Variants in HERC1 observed in about 807,000 individuals in gnomAD.
HERC1 encodes HECT and RLD domain containing E3 ubiquitin protein ligase family member 1, also known as probable E3 ubiquitin-protein ligase HERC1.
HERC1 carries 160 observed loss-of-function variants against 554.3 expected under a neutral mutation model. That is an observed-to-expected ratio of 0.29 (90% CI 0.25 to 0.33). HERC1 has a LOEUF of 0.33. HERC1 is among the 10% of genes least tolerant of loss of function. The pLI is 1.00. For synonymous variants in HERC1, 2,175 were observed against 2,131.7 expected (o/e 1.02, Z -0.56); for missense variants, 4,919 against 5,918.5 (o/e 0.83, Z 5.54).
chr15:63,784,652 G>C (rs981429425), intron 1 of HERC1, among the ~76,000 whole-genome samples: 1 of 151,798 alleles, frequency 6.6e-6, no homozygotes, highest in African/African-American at 2.4e-5. Context: ...CTGTCACCCA[G>C]GCTGGAGTGC....
chr15:63,697,441 T>G (rs1596000736), intron 26 of HERC1, among the ~76,000 whole-genome samples: 1 of 145,956 alleles, frequency 6.9e-6, no homozygotes, highest in Non-Finnish European at 1.5e-5. Context: ...ACAGGTGATG[T>G]TAATCTTGAT....
intron 1 of HERC1, among the ~76,000 whole-genome samples, chr15:63,806,282 T>C (rs1310723862): frequency 6.6e-6 from 1 of 151,288 alleles, no homozygotes; most frequent in African/African-American, 2.4e-5. Context: ...GCTGAAGCAA[T>C]CTTCCCACCT....
At chr15:63,795,359 A>AT (rs888853727) in intron 1 of HERC1, among the ~76,000 whole-genome samples, 6 of 152,200 alleles carry the variant, frequency 3.9e-5, no homozygotes, top group Non-Finnish European at 8.8e-5. Context: ...AAAATAACCA[A>AT]TAAAAACAGA....
chr15:63,713,006 G>T, intron 23 of HERC1, 111 bp from the exon 24 acceptor site: 1 of 1,040,804 alleles, frequency 9.6e-7, no homozygotes, highest in Non-Finnish European at 1.4e-6. Context: ...GAGGAGTAAT[G>T]TCAGTTGACA....
At chr15:63,799,484 A>G (rs1047831089) in intron 1 of HERC1, among the ~76,000 whole-genome samples, 4 of 151,486 alleles carry the variant, frequency 2.6e-5, no homozygotes, top group African/African-American at 9.7e-5. Context: ...TGGGTGATAG[A>G]GCAAGACTCT....
intron 14 of HERC1, among the ~76,000 whole-genome samples, chr15:63,731,977 T>C (rs1182499042): frequency 6.6e-6 from 1 of 152,152 alleles, no homozygotes; most frequent in Non-Finnish European, 1.5e-5. Flanking sequence ...TGTGAGCCGA[T>C]GATAAAGGGT....
At position 63,632,817 on chromosome 15, in the gene HERC1, A is replaced by G; in HGVS notation, c.12694-6T>C. 6.5e-7 allele frequency: 1 copy of G among 1,541,150 alleles called. No homozygotes were observed. Among genetic ancestry groups the G allele is most frequent in the Non-Finnish European group, 8.8e-7 (1 of 1,136,030 alleles). On this transcript the variant is annotated splice_polypyrimidine_tract_variant and splice_region_variant and intron_variant, in intron 67 of 77. Transcript: ENST00000443617. Reference sequence around the variant, plus strand: ...CCACAAAGGACGTCAATTTTCTACAAAATAAAAGTGTAAGGCACACAACTT... The same window carrying G: ...CCACAAAGGACGTCAATTTTCTACAGAATAAAAGTGTAAGGCACACAACTT...
intron 36 of HERC1, 45 bp from the exon 37 acceptor site, chr15:63,678,410 T>A: frequency 6.0e-6 from 9 of 1,495,130 alleles, no homozygotes; most frequent in Non-Finnish European, 8.0e-6. Flanking sequence ...TATTAGTAGT[T>A]CTTCTTAGTC....
At chr15:63,615,692 T>A in intron 76 of HERC1, 76 bp downstream of exon 76, 1 of 1,166,722 alleles carries the variant, frequency 8.6e-7, no homozygotes, top group Non-Finnish European at 1.2e-6. Flanking sequence ...TTAGCAGATT[T>A]TGGCATACCC....
Position 63,640,191 on chromosome 15 carries a change from A to G in HERC1, c.11862T>C (p.Asp3954=), listed in dbSNP as rs367708752. Residue 3954 remains aspartate (D), a synonymous_variant, in exon 61 of 78, where the codon GAT becomes GAC. Transcript: ENST00000443617. ...GTTCATCCTCTGGAACAGGTTCTAG[A>G]TCTGGAACGGTAAAAGATTCTGGAA... ...AQFPESFTVP[D]LEPVPEDELV... 2.0e-5 allele frequency: 33 copies of G among 1,613,960 alleles called. No homozygotes were observed. Among genetic ancestry groups the G allele is most frequent in the Non-Finnish European group, 3.4e-6 (4 of 1,179,834 alleles).
At chr15:63,721,467 A>C (rs1272121509) in intron 19 of HERC1, among the ~76,000 whole-genome samples, 3 of 152,194 alleles carry the variant, frequency 2.0e-5, no homozygotes. Context: ...CGGAGGTTGC[A>C]GTGAGCTGGG....
At chr15:63,715,289 T>TA (rs2073497216) in intron 22 of HERC1, among the ~76,000 whole-genome samples, 1 of 152,212 alleles carries the variant, frequency 6.6e-6, no homozygotes, top group Admixed American at 6.5e-5. Context: ...GTTTAAAAAG[T>TA]GTTAGTTCCC....
In HERC1 at chr15:63,612,583, A is replaced by C. The variant is rs1458664566; in HGVS notation, c.14095-27T>G. The C allele has an allele frequency of 5.0e-6, 8 of 1,599,418 alleles. No homozygotes were observed. The highest frequency in any genetic ancestry group is 6.8e-6 in the Non-Finnish European group (8 of 1,172,048). ...TGCTCCCGGGAGAGGTTGCTCATTCAATGAGTGTGCGTGAACCTGGCACCC... is the reference window on the plus strand; with the variant it reads ...TGCTCCCGGGAGAGGTTGCTCATTCCATGAGTGTGCGTGAACCTGGCACCC... On this transcript the variant is annotated intron_variant, in intron 76 of 77. Transcript: ENST00000443617. The surrounding 1 kb of genome is among the most constrained non-coding windows in gnomAD (Gnocchi z 5.0).
At chr15:63,704,683 C>T (rs2072906688) in intron 25 of HERC1, among the ~76,000 whole-genome samples, 1 of 151,304 alleles carries the variant, frequency 6.6e-6, no homozygotes, top group Non-Finnish European at 1.5e-5. Flanking sequence ...ATGCATGTTG[C>T]ACATTATACT....
intron 19 of HERC1, among the ~76,000 whole-genome samples, chr15:63,719,535 A>G (rs1160876075): frequency 6.6e-6 from 1 of 152,278 alleles, no homozygotes; most frequent in Non-Finnish European, 1.5e-5. Flanking sequence ...GAACAGAGAT[A>G]CAACATGATC....
In HERC1 at chr15:63,645,808, A is replaced by C. The variant is rs559039082; in HGVS notation, c.10879-126T>G. On this transcript the variant is annotated intron_variant, in intron 55 of 77. Coordinates refer to ENST00000443617, the MANE Select transcript of HERC1 (RefSeq NM_003922.4). ...CTATAACTCATTTATTTTGAAATCAATATTTTATGCAAATCAGATACTGCC... is the reference window on the plus strand; with the variant it reads ...CTATAACTCATTTATTTTGAAATCACTATTTTATGCAAATCAGATACTGCC... 704 of 626,112 alleles carry C rather than the reference A, an allele frequency of 1.1e-3. 16 individuals are homozygous for C. In the South Asian group the frequency reaches 0.016, roughly 14 times the overall value. 38.8% of individuals were successfully genotyped at this position (626,112 alleles called of 1,614,324 possible). A position where few individuals can be genotyped will look rare whatever the true frequency, so the allele number is the denominator to read the frequency against.
At position 63,713,380 on chromosome 15, in the gene HERC1, G is replaced by A; in HGVS notation, c.4436C>T (p.Ala1479Val). 1.2e-6 allele frequency: 2 copies of A among 1,613,916 alleles called. No individual in the cohort carries two copies. The highest frequency in any genetic ancestry group is 1.7e-6 in the Non-Finnish European group (2 of 1,179,814). The change falls in exon 23 of 78, where the codon GCC becomes GTC. Residue 1479 changes from alanine to valine, a missense_variant. Physicochemically the swap from Ala to Val is moderately conservative, Grantham distance 64 (BLOSUM62 0). This residue lies in a region of HERC1 where 1,121 missense variants were observed against 1,244.0 expected (regional missense o/e 0.90). Coordinates refer to ENST00000443617, the MANE Select transcript of HERC1 (RefSeq NM_003922.4). ...EGQLQQPSTS[A>V]SEGGGLMTRS... ...GGTCATAAGTCCACCCCCTTCAGAG[G>A]CACTTGTTGAAGGTTGCTGCAACTG...
At position 63,654,156 on chromosome 15, in the gene HERC1, T is replaced by G. The variant is rs560384093; in HGVS notation, c.10253A>C (p.Lys3418Thr). Reference protein sequence around the residue: ...TLADMGGDLRKCSFIKLEAHQ... With the variant: ...TLADMGGDLRTCSFIKLEAHQ... ...AGCCTCCAATTTGATAAAGGAGCAT[T>G]TTCTAAGATCTCCTCCCATATCAGC... is the stretch of plus-strand genomic sequence containing the variant. Residue 3418 changes from lysine to threonine, a missense_variant, in exon 51 of 78, where the codon AAA becomes ACA. By Grantham distance (78) the Lys-to-Thr change is moderately conservative. Coordinates refer to ENST00000443617, the MANE Select transcript of HERC1 (RefSeq NM_003922.4). 5.0e-6 allele frequency: 8 copies of G among 1,613,998 alleles called. No homozygotes were observed. The African/African-American group carries it at 6.7e-5, about 13-fold the overall frequency.
intron 1 of HERC1, among the ~76,000 whole-genome samples, chr15:63,781,773 A>G (rs1318339273): frequency 6.6e-6 from 1 of 152,242 alleles, no homozygotes; most frequent in Non-Finnish European, 1.5e-5. Flanking sequence ...CTCTTGCGCC[A>G]GTTAGCCAAG....
Sources: allele counts gnomAD v4.1 joint callset (sites outside exome capture counted in the v4.1 genomes callset), GRCh38; gene constraint gnomAD v4.1.1; regional missense constraint gnomAD v4.1.1; non-coding constraint Gnocchi (gnomAD v3.1); transcripts MANE v1.5; gene names NCBI Gene and HGNC (gene_info 2026-07-23, HGNC 2026-07-21).